UGT1A5: variants seen among roughly 807,000 people sequenced by gnomAD.
UGT1A5 encodes UDP-glucuronosyltransferase 1A5.
Under a neutral mutation model 40.3 loss-of-function variants are expected in UGT1A5, and 29 were observed. The ratio of observed to expected loss-of-function variants is 0.72; its 90% CI spans 0.54 to 0.98. The LOEUF (loss-of-function observed/expected upper bound fraction) is 0.98, where lower values mean the gene tolerates loss of function less well. UGT1A5 is among the 50% of genes least tolerant of loss of function. UGT1A5 has a pLI of 0.00. For synonymous variants in UGT1A5, 257 were observed against 262.5 expected (o/e 0.98, Z 0.20); for missense variants, 678 against 677.9 (o/e 1.00, Z 0.00).
chr2:233,767,352 C>A (rs1699374337), intron 2 of UGT1A5, among the ~76,000 whole-genome samples, 187 bp downstream of exon 2: 1 of 152,112 alleles, frequency 6.6e-6, no homozygotes, highest in African/African-American at 2.4e-5. Context: ...ATTTGACTCT[C>A]AAATACTCTA....
At chr2:233,750,028 T>C (rs1368553754) in intron 1 of UGT1A5, among the ~76,000 whole-genome samples, 13 of 151,882 alleles carry the variant, frequency 8.6e-5, no homozygotes, top group Admixed American at 8.5e-4. Context: ...AGTACTGCTA[T>C]AAAGATACTT....
intron 1 of UGT1A5, chr2:233,755,113 A>G (rs1695768898): frequency 4.5e-6 from 6 of 1,332,422 alleles, no homozygotes; most frequent in Non-Finnish European, 6.1e-6. Flanking sequence ...AACACCTCGT[A>G]GGCCTCAGCC....
At chr2:233,757,617 A>C (rs1696679661) in intron 1 of UGT1A5, among the ~76,000 whole-genome samples, 1 of 148,812 alleles carries the variant, frequency 6.7e-6, no homozygotes, top group South Asian at 2.2e-4. Flanking sequence ...AACTGCTAAA[A>C]GATACAAGGC....
chr2:233,724,273 T>C (rs1575551311), intron 1 of UGT1A5, among the ~76,000 whole-genome samples: 1 of 120,344 alleles, frequency 8.3e-6, no homozygotes, highest in African/African-American at 3.2e-5. Context: ...ACGGGGCGGC[T>C]GGCCGGGCGG....
chr2:233,748,568 G>A (rs1374135931), intron 1 of UGT1A5, among the ~76,000 whole-genome samples: 1 of 151,846 alleles, frequency 6.6e-6, no homozygotes, highest in South Asian at 2.1e-4. Flanking sequence ...GGAAGTAGAA[G>A]TGTTAAAGAG....
At chr2:233,752,155 C>T (rs1694901340) in intron 1 of UGT1A5, among the ~76,000 whole-genome samples, 1 of 152,178 alleles carries the variant, frequency 6.6e-6, no homozygotes, top group African/African-American at 2.4e-5. Flanking sequence ...CTTCTAGATG[C>T]TTTCTAGTGT....
At chr2:233,754,362 T>G in intron 1 of UGT1A5, 1 of 282,658 alleles carries the variant, frequency 3.5e-6, no homozygotes, top group Non-Finnish European at 6.9e-6. Flanking sequence ...TACAGATATT[T>G]ACAATGATCG....
chr2:233,713,998 T>C, intron 1 of UGT1A5, 140 bp downstream of exon 1: 4 of 1,554,968 alleles, frequency 2.6e-6, no homozygotes, highest in Non-Finnish European at 3.5e-6. Context: ...TAGTCTTCAG[T>C]GAGATAAACT....
intron 1 of UGT1A5, among the ~76,000 whole-genome samples, chr2:233,758,687 A>G (rs1165998608): frequency 6.6e-5 from 10 of 152,210 alleles, no homozygotes; most frequent in Non-Finnish European, 1.5e-4. Flanking sequence ...CCCATAGGAC[A>G]CCAAAACTCT....
chr2:233,739,606 T>C (rs1247798454), intron 1 of UGT1A5, among the ~76,000 whole-genome samples: 1 of 152,250 alleles, frequency 6.6e-6, no homozygotes, highest in African/African-American at 2.4e-5. Flanking sequence ...CCCTTTGTTT[T>C]GGCCAGTTTC....
chr2:233,737,713 A>C (rs1453713127), intron 1 of UGT1A5, among the ~76,000 whole-genome samples: 1 of 151,992 alleles, frequency 6.6e-6, no homozygotes, highest in Non-Finnish European at 1.5e-5. Flanking sequence ...TCTCCTCTCC[A>C]ACACCTCCTT....
intron 4 of UGT1A5, chr2:233,771,269 T>A (rs1318778151): frequency 6.6e-6 from 1 of 152,200 alleles, no homozygotes; most frequent in African/African-American, 2.4e-5. Flanking sequence ...CCTTTTTTTT[T>A]CTTTCTTCTC....
Position 233,772,456 on chromosome 2 carries a change from T to G in UGT1A5, c.1502T>G (p.Leu501Arg). The G allele has an allele frequency of 6.2e-7, 1 of 1,614,218 alleles. No individual in the cohort carries two copies. ...DVIGFLLAVV[L>R]TVAFITFKCC... ...ATTGGTTTCCTCTTGGCCGTCGTGC[T>G]GACAGTGGCCTTCATCACCTTTAAA... Residue 501 changes from leucine to arginine, a missense_variant, in exon 5 of 5, where the codon CTG becomes CGG. Physicochemically the swap from Leu to Arg is moderately radical, Grantham distance 102. Transcript: ENST00000373414.
chr2:233,747,722 GT>G (rs574078556), intron 1 of UGT1A5: 15 of 1,612,642 alleles, frequency 9.3e-6, no homozygotes, highest in Middle Eastern at 1.6e-4. Context: ...TTCCTGCTGT[GT>G]TTTTTTTGAG....
At chr2:233,743,515 C>G in intron 1 of UGT1A5, 2 of 1,367,292 alleles carry the variant, frequency 1.5e-6, no homozygotes, top group African/African-American at 1.5e-5. Flanking sequence ...AGACGCTCTG[C>G]TTCTGCTTCC....
chr2:233,766,941 CTT>C (rs1181613767), intron 1 of UGT1A5, 91 bp from the exon 2 acceptor site: 3 of 1,595,132 alleles, frequency 1.9e-6, no homozygotes, highest in African/African-American at 2.7e-5. Flanking sequence ...TAATCATAGT[CTT>C]AAGAGGAAGA....
chr2:233,760,393 G>A lies in UGT1A5; in HGVS notation c.868-6641G>A, dbSNP rs1697429657. The A allele has an allele frequency of 4.3e-6, 7 of 1,614,206 alleles. No homozygotes were observed. In the South Asian group the frequency reaches 5.5e-5, roughly 13 times the overall value. On this transcript the variant is annotated intron_variant, in intron 1 of 4. Transcript: ENST00000373414. The stretch of plus-strand genomic sequence containing the variant: ...TGGGAAGATACTGTTGATCCCAGTG[G>A]ATGGCAGCCACTGGCTGAGCATGCT...
intron 1 of UGT1A5, among the ~76,000 whole-genome samples, chr2:233,759,580 A>G (rs1271749262): frequency 2.0e-5 from 3 of 151,416 alleles, no homozygotes; most frequent in Non-Finnish European, 2.9e-5. Flanking sequence ...TCTCTACCCC[A>G]GCACGCCCCC....
At chr2:233,732,540 C>T (rs929935072) in intron 1 of UGT1A5, among the ~76,000 whole-genome samples, 1 of 152,202 alleles carries the variant, frequency 6.6e-6, no homozygotes, top group Non-Finnish European at 1.5e-5. Context: ...CCAGTTTTCC[C>T]AGCACCATTT....
Sources: allele counts gnomAD v4.1 joint callset (sites outside exome capture counted in the v4.1 genomes callset), GRCh38; gene constraint gnomAD v4.1.1; transcripts MANE v1.5; gene names NCBI Gene and HGNC (gene_info 2026-07-23, HGNC 2026-07-21).